PDE4D: variants seen among roughly 807,000 people sequenced by gnomAD.
The protein encoded by PDE4D is phosphodiesterase 4D, also known as 3',5'-cyclic-AMP phosphodiesterase 4D.
PDE4D carries 24 observed loss-of-function variants against 87.4 expected under a neutral mutation model. The observed-to-expected ratio is 0.27, with a 90% confidence interval of 0.20 to 0.39. The LOEUF is 0.39. Among genes scored for constraint, PDE4D ranks in the 10% least tolerant of loss-of-function variants. The probability of loss-of-function intolerance (pLI) is 1.00; values close to 1 mark genes in which losing one functional copy is unlikely to be tolerated. For synonymous variants in PDE4D, 384 were observed against 383.2 expected (o/e 1.00, Z -0.02); for missense variants, 714 against 1,041.0 (o/e 0.69, Z 4.32).
At chr5:60,501,892 C>G (rs946267444) in intron 1 of PDE4D, among the ~76,000 whole-genome samples, 5 of 152,052 alleles carry the variant, frequency 3.3e-5, no homozygotes, top group African/African-American at 7.2e-5. Context: ...ATTGTAGATT[C>G]TGGATATTAG....
intron 2 of PDE4D, among the ~76,000 whole-genome samples, chr5:60,161,670 A>T (rs867046112): frequency 6.6e-6 from 1 of 152,106 alleles, no homozygotes; most frequent in Non-Finnish European, 1.5e-5. Flanking sequence ...TCACCTTCAC[A>T]GTACTGCACT....
intron 1 of PDE4D, among the ~76,000 whole-genome samples, chr5:59,397,590 G>C (rs901588140): frequency 0.011 from 1,253 of 112,568 alleles, 228 homozygotes; most frequent in African/African-American, 0.044. Context: ...AGTGTGTAGA[G>C]GGAAATTTAT....
chr5:60,460,503 T>A, intron 1 of PDE4D: 1 of 1,527,262 alleles, frequency 6.5e-7, no homozygotes, highest in Non-Finnish European at 9.0e-7. Flanking sequence ...TCTGAAAAAA[T>A]GGTTGGCAGA....
chr5:59,406,601 G>C (rs2702377), intron 1 of PDE4D, among the ~76,000 whole-genome samples: 20,520 of 152,050 alleles, frequency 0.13, 1,629 homozygotes, highest in East Asian at 0.19. Flanking sequence ...TATTGGTCAG[G>C]CTGGTCTCAA....
At chr5:59,013,914 C>T (rs1753398475) in intron 6 of PDE4D, among the ~76,000 whole-genome samples, 1 of 152,106 alleles carries the variant, frequency 6.6e-6, no homozygotes, top group Non-Finnish European at 1.5e-5. Context: ...ACTGGCAAAC[C>T]AAATCCAGCA....
chr5:59,920,912 T>G (rs1250729733), intron 3 of PDE4D, among the ~76,000 whole-genome samples: 1 of 151,998 alleles, frequency 6.6e-6, no homozygotes, highest in Non-Finnish European at 1.5e-5. Flanking sequence ...ATATACCTAA[T>G]GTAAATGACG....
At chr5:59,885,415 T>C (rs1188951008) in intron 1 of PDE4D, among the ~76,000 whole-genome samples, 2 of 152,160 alleles carry the variant, frequency 1.3e-5, no homozygotes, top group African/African-American at 2.4e-5. Context: ...TTTTCTAAAA[T>C]CCCATTTCAA....
At chr5:59,694,910 G>T (rs1285808774) in intron 1 of PDE4D, among the ~76,000 whole-genome samples, 1 of 152,096 alleles carries the variant, frequency 6.6e-6, no homozygotes, top group African/African-American at 2.4e-5. Context: ...TTTGCTGAAG[G>T]ATGTTCATTA....
intron 1 of PDE4D, among the ~76,000 whole-genome samples, chr5:59,537,296 A>G (rs1330625258): frequency 6.6e-6 from 1 of 152,228 alleles, no homozygotes; most frequent in Non-Finnish European, 1.5e-5. Context: ...TTCACATAGA[A>G]GCTTTCCAGT....
intron 1 of PDE4D, among the ~76,000 whole-genome samples, chr5:59,695,708 C>T (rs542115732): frequency 4.6e-5 from 7 of 152,224 alleles, no homozygotes; most frequent in African/African-American, 1.7e-4. Flanking sequence ...CTCAAGTGAT[C>T]CTCCTGCCTC....
chr5:59,234,591 T>C (rs1274653271), intron 1 of PDE4D, among the ~76,000 whole-genome samples: 1 of 152,174 alleles, frequency 6.6e-6, no homozygotes, highest in Non-Finnish European at 1.5e-5. Flanking sequence ...ACAGTGGAAA[T>C]ATGTAAATAG....
chr5:59,181,189 G>T (rs1414459212), intron 4 of PDE4D, among the ~76,000 whole-genome samples: 1 of 151,848 alleles, frequency 6.6e-6, no homozygotes, highest in Non-Finnish European at 1.5e-5. Context: ...TTAATGACTT[G>T]TCCAAATAGA....
intron 1 of PDE4D, among the ~76,000 whole-genome samples, chr5:59,875,416 G>GCGC (rs2152741138): frequency 7.7e-6 from 1 of 129,534 alleles, no homozygotes; most frequent in South Asian, 2.5e-4. Context: ...AGCCGAGATT[G>GCGC]CGCCACTGCA....
At chr5:60,257,997 C>T (rs1434591035) in intron 1 of PDE4D, among the ~76,000 whole-genome samples, 1 of 151,940 alleles carries the variant, frequency 6.6e-6, no homozygotes, top group Non-Finnish European at 1.5e-5. Flanking sequence ...CTGGACCTAT[C>T]TAATAATAGT....
intron 1 of PDE4D, among the ~76,000 whole-genome samples, chr5:59,289,333 ATCAAAAAATATACAACAGGTTC>A (rs1219319623): frequency 2.0e-5 from 3 of 152,172 alleles, no homozygotes; most frequent in Admixed American, 2.0e-4. Context: ...GTAATCGCAA[ATCAAAAAATATACAACAGGTTC>A]TCAAAAAATA....
chr5:59,734,578 G>A (rs1757823006), intron 1 of PDE4D, among the ~76,000 whole-genome samples: 1 of 151,950 alleles, frequency 6.6e-6, no homozygotes, highest in African/African-American at 2.4e-5. Flanking sequence ...AGTAAAGTGG[G>A]TTTTTTTGGC....
At chr5:59,238,716 A>G (rs1355673774) in intron 1 of PDE4D, among the ~76,000 whole-genome samples, 1 of 152,198 alleles carries the variant, frequency 6.6e-6, no homozygotes, top group Non-Finnish European at 1.5e-5. Context: ...ATTTCACCTG[A>G]GAAATCTCAT....
chr5:59,433,841 C>T lies in PDE4D; in HGVS notation c.456-217873G>A, dbSNP rs182134314. On this transcript the variant is annotated intron_variant, in intron 1 of 14. Coordinates refer to ENST00000340635, the MANE Select transcript of PDE4D (RefSeq NM_001104631.2). Reference sequence around the variant, plus strand: ...TTCATCACTATGCTAGACGTTGCAACGTTAATAATGCCCTGCACAGCAATT... The same window carrying T: ...TTCATCACTATGCTAGACGTTGCAATGTTAATAATGCCCTGCACAGCAATT... Among the ~76,000 whole-genome samples the T allele has an allele frequency of 3.4e-4, 52 of 152,140 alleles. No homozygotes were observed. The East Asian group carries it at 4.4e-3, about 13-fold the overall frequency.
intron 2 of PDE4D, among the ~76,000 whole-genome samples, chr5:60,085,247 G>A (rs1774406784): frequency 6.6e-6 from 1 of 152,066 alleles, no homozygotes; most frequent in South Asian, 2.1e-4. Context: ...GGGTAGTTTG[G>A]GTAAGGGAGG....
Sources: allele counts gnomAD v4.1 joint callset (sites outside exome capture counted in the v4.1 genomes callset), GRCh38; gene constraint gnomAD v4.1.1; transcripts MANE v1.5; gene names NCBI Gene and HGNC (gene_info 2026-07-23, HGNC 2026-07-21).